TAF1: variants seen among roughly 807,000 people sequenced by gnomAD.
TAF1 encodes TATA-box binding protein associated factor 1.
Under a neutral mutation model 138.5 loss-of-function variants are expected in TAF1, and 2 were observed. The observed-to-expected ratio is 0.01, with a 90% CI of 0.01 to 0.05. TAF1 has a LOEUF of 0.05. Among genes scored for constraint, TAF1 ranks in the 10% least tolerant of loss-of-function variants. The pLI is 1.00. For missense variants in TAF1, 709 were observed against 1,478.0 expected (o/e 0.48, Z 8.53); for synonymous variants, 437 against 503.2 (o/e 0.87, Z 1.76).
At position 71,424,252 on chromosome X, in the gene TAF1, A is replaced by G; in HGVS notation, c.4753+14A>G. Reference sequence around the variant, plus strand: ...TTAAGTATAATGGTGGGTATTTCTCATTATTTTCTTTCCATGAATCCGTCC... The same window carrying G: ...TTAAGTATAATGGTGGGTATTTCTCGTTATTTTCTTTCCATGAATCCGTCC... On this transcript the variant is annotated intron_variant, in intron 32 of 37. Transcript: ENST00000423759. The G allele has an allele frequency of 8.6e-7, 1 of 1,159,122 alleles. No individual in the cohort carries two copies. Among genetic ancestry groups the G allele is most frequent in the South Asian group, 1.9e-5 (1 of 52,455 alleles).
At chrX:71,435,448 C>A (rs2037092141) in intron 32 of TAF1, among the ~76,000 whole-genome samples, 1 of 111,889 alleles carries the variant, frequency 8.9e-6, no homozygotes, top group Admixed American at 9.5e-5. Context: ...TCCAGTTGTG[C>A]CTTGCAATTT....
chrX:71,442,017 A>G (rs2148720893), intron 32 of TAF1, among the ~76,000 whole-genome samples: 1 of 111,155 alleles, frequency 9.0e-6, no homozygotes, highest in African/African-American at 3.3e-5. Context: ...TTATGGCTGC[A>G]TAGTATTCCA....
chrX:71,387,500 C>T, intron 15 of TAF1, 39 bp downstream of exon 15: 1 of 1,201,874 alleles, frequency 8.3e-7, no homozygotes, highest in South Asian at 1.8e-5. Context: ...GGGTTGTATA[C>T]AGAAAGGGTA....
At chrX:71,396,074 G>A (rs946015707) in intron 22 of TAF1, among the ~76,000 whole-genome samples, 11 of 108,279 alleles carry the variant, frequency 1.0e-4, no homozygotes, top group East Asian at 8.6e-4. Context: ...GCTTGAACCC[G>A]GGAAGCAGAG....
At chrX:71,500,427 T>C (rs1307996256) in intron 13 of TAF1, among the ~76,000 whole-genome samples, 42 of 99,604 alleles carry the variant, frequency 4.2e-4, no homozygotes, top group African/African-American at 9.0e-4. Flanking sequence ...CAAATTGGTC[T>C]CAATGGCTTA....
intron 13 of TAF1, among the ~76,000 whole-genome samples, chrX:71,502,966 CAAAA>C (rs944205314): frequency 4.6e-5 from 5 of 107,808 alleles, no homozygotes; most frequent in Non-Finnish European, 7.7e-5. Flanking sequence ...AAAACAAAAA[CAAAA>C]AACAAACAAA....
intron 32 of TAF1, among the ~76,000 whole-genome samples, chrX:71,436,498 C>T (rs899105451): frequency 9.2e-6 from 1 of 109,181 alleles, no homozygotes; most frequent in Non-Finnish European, 1.9e-5. Context: ...GCATGAGCCA[C>T]CGCGCCTGGC....
At chrX:71,528,748 G>A (rs1037820463) in intron 14 of TAF1, 1 of 315,314 alleles carries the variant, frequency 3.2e-6, no homozygotes, top group African/African-American at 2.7e-5. Context: ...GCTCTTTAAA[G>A]GTAGCACAGA....
intron 13 of TAF1, chrX:71,528,216 AT>A: frequency 4.5e-6 from 1 of 220,322 alleles, no homozygotes; most frequent in Non-Finnish European, 8.5e-6. Flanking sequence ...CATCTAGCAC[AT>A]TTGCTCACTT....
Position 71,436,576 on chromosome X carries a change from G to A in TAF1, c.4753+12338G>A, listed in dbSNP as rs5980764. Among the ~76,000 whole-genome samples, 234 of 110,168 alleles carry A rather than the reference G, an allele frequency of 2.1e-3. 2 individuals are homozygous for A. The highest frequency in any genetic ancestry group is 7.5e-3 in the African/African-American group (227 of 30,322). On this transcript the variant is annotated intron_variant, in intron 32 of 37. Coordinates refer to ENST00000423759, the MANE Select transcript of TAF1 (RefSeq NM_004606.5). Reference sequence around the variant, plus strand: ...TGCCCAGGCTGGTCTCGGACTCCTGGGCTCAAATGGTCCACCTGCCTCAGC... The same window carrying A: ...TGCCCAGGCTGGTCTCGGACTCCTGAGCTCAAATGGTCCACCTGCCTCAGC...
At position 71,423,247 on chromosome X, in the gene TAF1, GTC is replaced by G. The variant is rs749537935; in HGVS notation, c.4575+12_4575+13del. 20 of 1,209,527 alleles carry G rather than the reference GTC, an allele frequency of 1.7e-5. No homozygotes were observed. Among genetic ancestry groups the G allele is most frequent in the Non-Finnish European group, 2.2e-5 (20 of 894,934 alleles). ...ATGATGGCAGTTCCAGATGTAAGCTGTCTCTGTGCCAAATACTGTGAGGATCG... is the reference window on the plus strand; with the variant it reads ...ATGATGGCAGTTCCAGATGTAAGCTGTCTGTGCCAAATACTGTGAGGATCG... On this transcript the variant is annotated intron_variant, in intron 30 of 37. Transcript: ENST00000423759.
At chrX:71,392,495 C>T in intron 18 of TAF1, 74 bp from the exon 19 acceptor site, 1 of 1,048,369 alleles carries the variant, frequency 9.5e-7, no homozygotes, top group Non-Finnish European at 1.2e-6. Flanking sequence ...TGTAATTATT[C>T]TACTCTTGTA....
chrX:71,394,268 C>T (rs948620260), intron 22 of TAF1, 23 bp downstream of exon 22: 1 of 1,170,915 alleles, frequency 8.5e-7, no homozygotes, highest in Non-Finnish European at 1.1e-6. Context: ...GCTTCACAGA[C>T]AGATAAAAAA....
chrX:71,504,965 A>G lies in TAF1; in HGVS notation c.1367-23577A>G, dbSNP rs59107193. 1.0e-3 allele frequency among the ~76,000 whole-genome samples: 107 copies of G among 105,766 alleles called. 1 individual carries two copies. In the East Asian group the frequency reaches 0.027, roughly 27 times the overall value. The allele number at this position is 105,766 out of a possible 115,157, so 91.8% of individuals were successfully genotyped here. On this transcript the variant is annotated intron_variant and NMD_transcript_variant, in intron 13 of 14. Transcript: ENST00000373775. ...GGCAACATAATGAAACCCCATCTCT[A>G]CCAAAAATACAAAAAATTAGTTGGG...
In TAF1 at chrX:71,529,389, G is replaced by GCAC. The variant is rs749142902; in HGVS notation, c.*175-323_*175-322insACC. 3 of 163,079 alleles carry GCAC rather than the reference G, an allele frequency of 1.8e-5. No individual in the cohort carries two copies. The East Asian group carries it at 5.8e-4, about 32-fold the overall frequency. The allele number at this position is 163,079 out of a possible 1,213,427, so 13.4% of individuals were successfully genotyped here. On this transcript the variant is annotated intron_variant and NMD_transcript_variant, in intron 14 of 14. Coordinates refer to the TAF1 transcript ENST00000373775. ...CCTGGCTGGTGCATTTTTACAGAGT[G>GCAC]CTGATTGGTGCATTTACAATCCTTT... is the stretch of plus-strand genomic sequence containing the variant.
In TAF1 at chrX:71,401,865, C is replaced by T. The variant is rs2035189581; in HGVS notation, c.3998+126C>T. The T allele has an allele frequency of 5.9e-5, 38 of 645,934 alleles. No individual in the cohort carries two copies. The South Asian group carries it at 9.7e-4, about 16-fold the overall frequency. The allele number at this position is 645,934 out of a possible 1,213,427, so 53.2% of individuals were successfully genotyped here. Reference sequence around the variant, plus strand: ...ACTGAAGGAACAGGAATTTTGATGGCGTTTCCTCAGTTATTGTTGCCAGTA... The same window carrying T: ...ACTGAAGGAACAGGAATTTTGATGGTGTTTCCTCAGTTATTGTTGCCAGTA... On this transcript the variant is annotated intron_variant, in intron 25 of 37. Coordinates refer to ENST00000423759, the MANE Select transcript of TAF1 (RefSeq NM_004606.5).
rs1221784810 is a variant in TAF1, at chrX:71,465,855, CAA to C, written c.*1810_*1811del. ...TGAAAGGATATATGCTAACTGTTCA[CAA>C]TGATAACCCCCCAGGAATGGGATTG... On this transcript the variant is annotated 3_prime_UTR_variant, in exon 38 of 38. Transcript: ENST00000423759. 1.8e-5 allele frequency: 2 copies of C among 112,229 alleles called. No individual in the cohort carries two copies. Among genetic ancestry groups the C allele is most frequent in the Non-Finnish European group, 3.8e-5 (2 of 53,281 alleles). The allele number at this position is 112,229 out of a possible 1,213,427, so 9.2% of individuals were successfully genotyped here.
At chrX:71,484,163 T>C (rs2147518497) in intron 13 of TAF1, among the ~76,000 whole-genome samples, 1 of 110,200 alleles carries the variant, frequency 9.1e-6, no homozygotes, top group African/African-American at 3.3e-5. Flanking sequence ...AGCCAGCACA[T>C]CCAGCCCTCA....
rs186880963 is a variant in TAF1, at chrX:71,524,725, G to A, written c.1367-3817G>A. Among the ~76,000 whole-genome samples, 720 of 109,013 alleles carry A rather than the reference G, an allele frequency of 6.6e-3. 4 individuals are homozygous for A. The highest frequency in any genetic ancestry group is 9.5e-3 in the Middle Eastern group (2 of 211). The allele number at this position is 109,013 out of a possible 115,157, so 94.7% of individuals were successfully genotyped here. A position where few individuals can be genotyped will look rare whatever the true frequency, so the allele number is the denominator to read the frequency against. On this transcript the variant is annotated intron_variant and NMD_transcript_variant, in intron 13 of 14. Transcript: ENST00000373775. Reference sequence around the variant, plus strand: ...TGGGAGGCCAAGGAGGGCGGATCACGAGGTCAGGAATTCAAGACCAGCCTG... The same window carrying A: ...TGGGAGGCCAAGGAGGGCGGATCACAAGGTCAGGAATTCAAGACCAGCCTG...
Sources: allele counts gnomAD v4.1 joint callset (sites outside exome capture counted in the v4.1 genomes callset), GRCh38; gene constraint gnomAD v4.1.1; transcripts MANE v1.5; gene names NCBI Gene and HGNC (gene_info 2026-07-23, HGNC 2026-07-21).